The following ZNF558 variants were observed in gnomAD, a reference collection of about 807,000 sequenced individuals.
ZNF558 encodes the protein zinc finger protein 558.
ZNF558 carries 23 observed loss-of-function variants against 37.6 expected under a neutral mutation model. That is an observed-to-expected ratio of 0.61 (90% CI 0.44 to 0.87). The LOEUF (loss-of-function observed/expected upper bound fraction) is 0.87. Among genes scored for constraint, ZNF558 ranks in the 40% least tolerant of loss-of-function variants. The pLI is 0.00. For missense variants in ZNF558, 429 were observed against 483.7 expected (o/e 0.89, Z 1.06); for synonymous variants, 189 against 174.4 (o/e 1.08, Z -0.66).
chr19:8,817,220 T>A (rs1361264761), intron 7 of ZNF558, among the ~76,000 whole-genome samples: 1 of 152,196 alleles, frequency 6.6e-6, no homozygotes. Flanking sequence ...TTTGGCAGAA[T>A]GGATTTAAAA....
upstream of ZNF558, among the ~76,000 whole-genome samples, chr19:8,833,848 G>T (rs552962051): frequency 1.4e-4 from 22 of 152,080 alleles, no homozygotes; most frequent in African/African-American, 5.3e-4. Flanking sequence ...TTAGCCGGGC[G>T]TGGTGGCGGA....
Position 8,811,429 on chromosome 19 carries a change from CCA to C in ZNF558, c.1059_1060del (p.Cys353TrpfsTer5), listed in dbSNP as rs1555767902. The stretch of plus-strand genomic sequence containing the variant: ...AGCTGAGAGATTATTAAAGGCTTTT[CCA>C]CAGTCACTGCACTCGTAGGGTTTCT... On this transcript the variant is annotated frameshift_variant, in exon 10 of 10. Transcript: ENST00000601372. LOFTEE classifies it high-confidence loss of function. 3 of 1,614,042 alleles carry C rather than the reference CCA, an allele frequency of 1.9e-6. No individual in the cohort carries two copies. The highest frequency in any genetic ancestry group is 2.2e-5 in the South Asian group (2 of 91,076).
chr19:8,834,479 G>A (rs550412537), upstream of ZNF558, among the ~76,000 whole-genome samples: 16 of 151,706 alleles, frequency 1.1e-4, no homozygotes, highest in Non-Finnish European at 2.1e-4. Flanking sequence ...GTGGTGGCGG[G>A]CGCCTATAGT....
chr19:8,817,153 G>A (rs1271210289), intron 7 of ZNF558, among the ~76,000 whole-genome samples: 1 of 152,130 alleles, frequency 6.6e-6, no homozygotes, highest in African/African-American at 2.4e-5. Context: ...AGAGCAAATA[G>A]TAAATAGGCA....
At chr19:8,813,390 G>T (rs1265581860) in intron 7 of ZNF558, among the ~76,000 whole-genome samples, 168 bp from the exon 8 acceptor site, 2 of 152,098 alleles carry the variant, frequency 1.3e-5, no homozygotes, top group Non-Finnish European at 2.9e-5. Context: ...ATGGAGTCTT[G>T]CTCTGTCGCC....
chr19:8,838,049 C>T, the ZNF558 span, among the ~76,000 whole-genome samples: 1 of 151,694 alleles, frequency 6.6e-6, no homozygotes, highest in African/African-American at 2.4e-5. Flanking sequence ...GAGATTGAGA[C>T]CATCCTGGAT....
rs2044112497 is a variant in ZNF558, at chr19:8,822,223, A to G, written c.32-132T>C. On this transcript the variant is annotated intron_variant, in intron 5 of 9. Coordinates refer to ENST00000601372, the MANE Select transcript of ZNF558 (RefSeq NM_144693.3). This position sits in a 1 kb window ranked among gnomAD's most constrained non-coding sequence, Gnocchi z 4.4. ...CACAGTGCCCACCTACGCTCCATGC[A>G]AACACCTACCCACAGCTCTCCTAAG... 2.8e-6 allele frequency: 3 copies of G among 1,071,000 alleles called. No homozygotes were observed. In the South Asian group the frequency reaches 4.6e-5, roughly 17 times the overall value. 66.3% of individuals were successfully genotyped at this position (1,071,000 alleles called of 1,614,324 possible). A position where few individuals can be genotyped will look rare whatever the true frequency, so the allele number is the denominator to read the frequency against.
At chr19:8,821,536 T>C in intron 6 of ZNF558, 1 of 1,429,540 alleles carries the variant, frequency 7.0e-7, no homozygotes, top group African/African-American at 1.4e-5. Flanking sequence ...CCCTCAATGC[T>C]TGTCTCCTTA....
At chr19:8,823,071 A>G (rs912152173) in intron 4 of ZNF558, among the ~76,000 whole-genome samples, 12 of 150,198 alleles carry the variant, frequency 8.0e-5, no homozygotes, top group African/African-American at 2.9e-4. Flanking sequence ...AACTCCTCCC[A>G]CCTCCAGTCC....
In ZNF558 at chr19:8,822,560, G is replaced by C; in HGVS notation, c.31+69C>G. 6.2e-7 allele frequency: 1 copy of C among 1,607,386 alleles called. No homozygotes were observed. The highest frequency in any genetic ancestry group is 8.5e-7 in the Non-Finnish European group (1 of 1,174,542). ...TCACCTGCTCTGCCCAACCCCGCTC[G>C]TGTCCCATGCTGTGGGTCAGAACCT... On this transcript the variant is annotated intron_variant, in intron 5 of 9. Coordinates refer to ENST00000601372, the MANE Select transcript of ZNF558 (RefSeq NM_144693.3). The surrounding 1 kb of genome is among the most constrained non-coding windows in gnomAD (Gnocchi z 4.4).
upstream of ZNF558, among the ~76,000 whole-genome samples, chr19:8,836,468 C>T (rs1427644437): frequency 1.3e-5 from 2 of 150,346 alleles, no homozygotes; most frequent in African/African-American, 2.4e-5. Context: ...TCCTCCTCCC[C>T]CCCTCTCCTC....
upstream of ZNF558, among the ~76,000 whole-genome samples, chr19:8,835,466 A>G (rs1279317961): frequency 6.6e-6 from 1 of 152,224 alleles, no homozygotes; most frequent in Admixed American, 6.5e-5. Flanking sequence ...TTAATATCAA[A>G]ACTTCAATAA....
At chr19:8,835,107 T>C (rs1038690336), upstream of ZNF558, among the ~76,000 whole-genome samples, 2 of 151,974 alleles carry the variant, frequency 1.3e-5, no homozygotes, top group African/African-American at 4.8e-5. Flanking sequence ...GCTGGAGTGC[T>C]GTGGCACCAT....
At chr19:8,812,110 ATACT>A (rs1555768476) in intron 9 of ZNF558, 47 bp from the exon 10 acceptor site, 11 of 1,397,584 alleles carry the variant, frequency 7.9e-6, no homozygotes, top group East Asian at 2.5e-5. Context: ...AATATTTGAA[ATACT>A]TAATGTTCTC....
rs2044052004 is a variant in ZNF558 at position 8,820,326 on chromosome 19, G to A, written c.247+854C>T. Among the ~76,000 whole-genome samples, 2 of 152,266 alleles carry A rather than the reference G, an allele frequency of 1.3e-5. 1 individual carries two copies. The highest frequency in any genetic ancestry group is 4.1e-4 in the South Asian group (2 of 4,826). On this transcript the variant is annotated intron_variant, in intron 7 of 9. Transcript: ENST00000601372. ...AAAAGCTCGTACACAAAAATTCATAGTATTATAGCATTATTCTTGATAGTC... is the reference window on the plus strand; with the variant it reads ...AAAAGCTCGTACACAAAAATTCATAATATTATAGCATTATTCTTGATAGTC...
Position 8,813,136 on chromosome 19 carries a change from T to G in ZNF558, c.334A>C (p.Thr112Pro), listed in dbSNP as rs61745089. 2.6e-3 allele frequency: 4,133 copies of G among 1,587,442 alleles called. 21 individuals are homozygous for G. Among genetic ancestry groups the G allele is most frequent in the Middle Eastern group, 0.011 (64 of 6,034 alleles). ...TCCACCTGGTGCTCACCTGGACAGG[T>G]GCTTGGTAGAATTCCTCTTTCCTCT... ...VTEERGILPS[T>P]CPDLETLLKA... The change falls in exon 8 of 10, where the codon ACC becomes CCC. Residue 112 changes from threonine to proline, a missense_variant. Physicochemically the swap from Thr to Pro is conservative, Grantham distance 38. Transcript: ENST00000601372.
At chr19:8,825,316 T>C (rs1286627205) in intron 2 of ZNF558, among the ~76,000 whole-genome samples, 1 of 152,174 alleles carries the variant, frequency 6.6e-6, no homozygotes, top group Admixed American at 6.5e-5. Context: ...AACTATGTGA[T>C]AGCTTTAAGG....
chr19:8,833,389 A>G (rs772031657), upstream of ZNF558: 1 of 152,200 alleles, frequency 6.6e-6, no homozygotes, highest in African/African-American at 2.4e-5. Context: ...AGTCAGTCAA[A>G]TATTCTCCCA....
At chr19:8,815,674 T>C (rs1225442520) in intron 7 of ZNF558, among the ~76,000 whole-genome samples, 4 of 151,964 alleles carry the variant, frequency 2.6e-5, no homozygotes, top group Admixed American at 1.3e-4. Flanking sequence ...CATGCCTCCC[T>C]ATTTGGGAGG....
Sources: allele counts gnomAD v4.1 joint callset (sites outside exome capture counted in the v4.1 genomes callset), GRCh38; gene constraint gnomAD v4.1.1; non-coding constraint Gnocchi (gnomAD v3.1); transcripts MANE v1.5; gene names NCBI Gene and HGNC (gene_info 2026-07-23, HGNC 2026-07-21).